The following SPATA13 variants were observed in gnomAD, a reference collection of about 807,000 sequenced individuals.
SPATA13 encodes the protein spermatogenesis-associated protein 13.
A neutral mutation model predicts 104.0 loss-of-function variants in SPATA13; 50 were observed. The observed-to-expected ratio is 0.48, with a 90% confidence interval of 0.38 to 0.61. The LOEUF (loss-of-function observed/expected upper bound fraction) is 0.61, where lower values mean the gene tolerates loss of function less well. Ranked by LOEUF, SPATA13 falls within the 20% of genes least tolerant of loss-of-function variation. The pLI is 0.00. For synonymous variants in SPATA13, 606 were observed against 667.5 expected, an observed-to-expected ratio of 0.91 and a Z score of 1.42; for missense variants, 1,524 against 1,690.6, an observed-to-expected ratio of 0.90 and a Z score of 1.73.
intron 2 of SPATA13, among the ~76,000 whole-genome samples, chr13:24,238,132 CTTTTTT>C (rs66810619): frequency 2.6e-5 from 2 of 77,154 alleles, no homozygotes; most frequent in Non-Finnish European, 4.8e-5. Context: ...TTCTTCTTGA[CTTTTTT>C]TTTTTTTTTT....
At chr13:24,293,022 A>AAAAAAAAAAAT (rs35053977) in intron 9 of SPATA13, among the ~76,000 whole-genome samples, 1 of 134,818 alleles carries the variant, frequency 7.4e-6, no homozygotes, top group Admixed American at 7.5e-5. Flanking sequence ...AAAAAAAAAA[A>AAAAAAAAAAAT]GGCGAGGGTG....
At chr13:24,189,253 C>T (rs140298616) in intron 1 of SPATA13, among the ~76,000 whole-genome samples, 1,565 of 151,824 alleles carry the variant, frequency 0.01, 34 homozygotes, top group African/African-American at 0.035. Context: ...CGGTGGATCA[C>T]GACGTCAGGA....
At chr13:24,300,777 G>A (rs986476890) in intron 12 of SPATA13, among the ~76,000 whole-genome samples, 1 of 152,168 alleles carries the variant, frequency 6.6e-6, no homozygotes, top group Admixed American at 6.5e-5. Flanking sequence ...AGTGCTGATG[G>A]TGTTAGCCAC....
exon 2 of SPATA13, chr13:23,983,793 C>T (rs991184824): frequency 5.4e-6 from 4 of 736,318 alleles, no homozygotes; most frequent in East Asian, 1.3e-4. Context: ...TAGGGGTGAC[C>T]TGTCTATCTG....
intron 4 of SPATA13, among the ~76,000 whole-genome samples, chr13:24,282,349 G>A (rs747159033): frequency 6.6e-6 from 1 of 152,220 alleles, no homozygotes; most frequent in Non-Finnish European, 1.5e-5. Context: ...AACTAGAAAC[G>A]TGGATTTGCC....
At chr13:24,027,335 A>C (rs1877272892) in intron 3 of SPATA13, among the ~76,000 whole-genome samples, 1 of 151,650 alleles carries the variant, frequency 6.6e-6, no homozygotes, top group South Asian at 2.1e-4. Context: ...GCGTTTCACC[A>C]TGTTGATCAG....
chr13:24,294,639 A>G, intron 9 of SPATA13, 100 bp from the exon 10 acceptor site: 1 of 1,322,444 alleles, frequency 7.6e-7, no homozygotes, highest in East Asian at 2.3e-5. Context: ...CACTTTGTCT[A>G]GAGCATTCGT....
intron 7 of SPATA13, among the ~76,000 whole-genome samples, chr13:24,288,477 T>G (rs991293389): frequency 6.6e-6 from 1 of 152,222 alleles, no homozygotes; most frequent in Admixed American, 6.5e-5. Context: ...GCCATGGTGT[T>G]GCACATAGAT....
intron 3 of SPATA13, among the ~76,000 whole-genome samples, chr13:24,135,226 A>G (rs76825047): frequency 0.12 from 4,831 of 38,794 alleles, 201 homozygotes; most frequent in African/African-American, 0.27. Flanking sequence ...TCGAAAAAAA[A>G]AATACTTTTT....
chr13:24,210,900 GT>G (rs2138588248), intron 1 of SPATA13, among the ~76,000 whole-genome samples: 1 of 150,752 alleles, frequency 6.6e-6, no homozygotes, highest in East Asian at 1.9e-4. Context: ...ATTTATTTGT[GT>G]CTTCTTCAGT....
Position 24,302,683 on chromosome 13 carries a change from C to T in SPATA13, c.3744C>T (p.Pro1248=). The part of the protein sequence containing the change: ...QRHITMPTSV[P]QQQVFGLAEP... ...ACATCACTATGCCCACAAGCGTCCCCCAGCAGCAGGTCTTTGGCCTGGCGG... is the reference window on the plus strand; with the variant it reads ...ACATCACTATGCCCACAAGCGTCCCTCAGCAGCAGGTCTTTGGCCTGGCGG... Residue 1248 remains proline, a synonymous_variant, in exon 13 of 13, where the codon CCC becomes CCT. Transcript: ENST00000382108. 6.2e-7 allele frequency: 1 copy of T among 1,614,136 alleles called. No homozygotes were observed. The highest frequency in any genetic ancestry group is 8.5e-7 in the Non-Finnish European group (1 of 1,180,040).
At chr13:24,247,948 G>A (rs1264289615) in intron 2 of SPATA13, among the ~76,000 whole-genome samples, 1 of 152,124 alleles carries the variant, frequency 6.6e-6, no homozygotes, top group Non-Finnish European at 1.5e-5. Flanking sequence ...GGTGGGCTGC[G>A]GCACAAGCTC....
At chr13:24,040,892 A>T (rs981051716) in intron 3 of SPATA13, among the ~76,000 whole-genome samples, 3 of 152,156 alleles carry the variant, frequency 2.0e-5, no homozygotes, top group African/African-American at 7.2e-5. Flanking sequence ...CTCAGGTTAG[A>T]GCACCACGAA....
intron 3 of SPATA13, among the ~76,000 whole-genome samples, chr13:24,119,475 G>A (rs1469933380): frequency 6.6e-6 from 1 of 152,152 alleles, no homozygotes; most frequent in East Asian, 1.9e-4. Context: ...ATGTTTTTCA[G>A]TGGGTCCAGA....
At chr13:24,233,842 T>C (rs1872418700) in intron 2 of SPATA13, among the ~76,000 whole-genome samples, 2 of 151,502 alleles carry the variant, frequency 1.3e-5, no homozygotes, top group African/African-American at 4.9e-5. Flanking sequence ...GAATCCCGAG[T>C]CTCCTCCAGC....
chr13:24,154,659 T>G (rs779352991), intron 3 of SPATA13, among the ~76,000 whole-genome samples: 2 of 152,188 alleles, frequency 1.3e-5, no homozygotes, highest in Non-Finnish European at 2.9e-5. Flanking sequence ...ATTTTCACAC[T>G]TTTAAGCGAG....
chr13:24,063,420 T>A (rs1039750007), intron 3 of SPATA13, among the ~76,000 whole-genome samples: 1 of 152,200 alleles, frequency 6.6e-6, no homozygotes, highest in African/African-American at 2.4e-5. Flanking sequence ...TATTGAGTTA[T>A]CACAGTGCTT....
intron 2 of SPATA13, among the ~76,000 whole-genome samples, chr13:24,001,746 C>A (rs1022134999): frequency 6.6e-6 from 1 of 151,806 alleles, no homozygotes; most frequent in Non-Finnish European, 1.5e-5. Context: ...GAAAGAGAAC[C>A]TGATGGGTTG....
intron 3 of SPATA13, among the ~76,000 whole-genome samples, chr13:24,081,113 A>T (rs750492756): frequency 2.6e-5 from 4 of 152,204 alleles, no homozygotes; most frequent in Admixed American, 6.5e-5. Flanking sequence ...TGTAAAGATG[A>T]GTGAACACAT....
Sources: allele counts gnomAD v4.1 joint callset (sites outside exome capture counted in the v4.1 genomes callset), GRCh38; gene constraint gnomAD v4.1.1; transcripts MANE v1.5; gene names NCBI Gene and HGNC (gene_info 2026-07-23, HGNC 2026-07-21).